EHMT1: variants seen among roughly 807,000 people sequenced by gnomAD.
The protein encoded by EHMT1 is euchromatic histone lysine methyltransferase 1, also known as histone-lysine N-methyltransferase EHMT1.
In EHMT1, 15 loss-of-function variants were observed where a neutral mutation model predicts 147.2. That is an observed-to-expected ratio of 0.10 (90% CI 0.07 to 0.16). The LOEUF (loss-of-function observed/expected upper bound fraction) is 0.16. EHMT1 is among the 10% of genes least tolerant of loss of function. The pLI is 1.00. For missense variants in EHMT1, 1,587 were observed against 1,772.4 expected, an observed-to-expected ratio of 0.90 and a Z score of 1.88; for synonymous variants, 795 against 709.6, an observed-to-expected ratio of 1.12 and a Z score of -1.91.
In EHMT1 at chr9:137,738,216, AAAC is replaced by A. The variant is rs772859830; in HGVS notation, c.824-5149_824-5147del. ...CTCAAAAAAAACAACAACAAAAAAA[AAAC>A]AACAAAAAAAACCCAAAAAAGGCAA... On this transcript the variant is annotated intron_variant, in intron 4 of 26. Transcript: ENST00000460843. Among the ~76,000 whole-genome samples, 27 of 150,846 alleles carry A rather than the reference AAAC, an allele frequency of 1.8e-4. No homozygotes were observed. In the East Asian group the frequency reaches 4.1e-3, roughly 23 times the overall value.
intron 9 of EHMT1, 31 bp downstream of exon 9, chr9:137,758,042 A>G (rs201485739): frequency 1.9e-6 from 3 of 1,613,690 alleles, no homozygotes; most frequent in African/African-American, 2.7e-5. Context: ...TAGACCGGGC[A>G]CCATCTTGGT....
intron 1 of EHMT1, among the ~76,000 whole-genome samples, chr9:137,665,744 A>G (rs1252604564): frequency 6.6e-6 from 1 of 152,250 alleles, no homozygotes; most frequent in East Asian, 1.9e-4. Flanking sequence ...GGTGAAAACA[A>G]TAAATGTCTC....
At chr9:137,803,374 C>A in intron 18 of EHMT1, 1 of 884,368 alleles carries the variant, frequency 1.1e-6, no homozygotes, top group Non-Finnish European at 1.4e-6. Context: ...CGCTTCACAG[C>A]CATGCCCAGC....
At chr9:137,727,353 G>A (rs1049790333) in intron 3 of EHMT1, among the ~76,000 whole-genome samples, 14 of 152,086 alleles carry the variant, frequency 9.2e-5, no homozygotes, top group African/African-American at 2.7e-4. Context: ...TTGGTTTCAC[G>A]TCTAGAAAAT....
intron 17 of EHMT1, among the ~76,000 whole-genome samples, chr9:137,799,343 C>T (rs1277799136): frequency 6.6e-6 from 1 of 152,172 alleles, no homozygotes; most frequent in African/African-American, 2.4e-5. Context: ...TAGGTATTAC[C>T]ATTTGAGGGA....
At position 137,705,287 on chromosome 9, in the gene EHMT1, C is replaced by T. The variant is rs147559409; in HGVS notation, c.22-5680C>T. ...GGATCACAGGCATGAGCCACTACACCGGCCTGGGAATTCCTTTAACTTGCG... is the reference window on the plus strand; with the variant it reads ...GGATCACAGGCATGAGCCACTACACTGGCCTGGGAATTCCTTTAACTTGCG... On this transcript the variant is annotated intron_variant, in intron 1 of 26. Transcript: ENST00000460843. Among the ~76,000 whole-genome samples, 188 of 152,268 alleles carry T rather than the reference C, an allele frequency of 1.2e-3. No homozygotes were observed. In the Middle Eastern group the frequency reaches 0.051, roughly 41 times the overall value.
intron 1 of EHMT1, among the ~76,000 whole-genome samples, chr9:137,691,505 C>A (rs1942933117): frequency 6.6e-6 from 1 of 152,010 alleles, no homozygotes; most frequent in Non-Finnish European, 1.5e-5. Context: ...GAATGGACTA[C>A]ATTTTGTTTG....
chr9:137,828,186 T>C lies in EHMT1; in HGVS notation c.3541-6163T>C, dbSNP rs1588917759. On this transcript the variant is annotated intron_variant, in intron 25 of 26. Transcript: ENST00000460843. This position sits in a 1 kb window ranked among gnomAD's most constrained non-coding sequence, Gnocchi z 5.3. ...TGACCATCCACAGGCCCCAGGGGGG[T>C]GCTGGCGGGCATCAGGGAAGTCCCG... Among the ~76,000 whole-genome samples the C allele has an allele frequency of 6.6e-6, 1 of 151,234 alleles. No homozygotes were observed. Among genetic ancestry groups the C allele is most frequent in the Admixed American group, 6.6e-5 (1 of 15,204 alleles).
intron 1 of EHMT1, among the ~76,000 whole-genome samples, chr9:137,677,265 C>G (rs901506380): frequency 6.6e-6 from 1 of 152,062 alleles, no homozygotes; most frequent in African/African-American, 2.4e-5. Flanking sequence ...TCCCAAGTAG[C>G]TGGGATTACA....
chr9:137,790,046 C>G (rs116779323), intron 15 of EHMT1, among the ~76,000 whole-genome samples: 2 of 152,198 alleles, frequency 1.3e-5, no homozygotes, highest in Non-Finnish European at 2.9e-5. Flanking sequence ...CCCCCTTAGC[C>G]GTTATGAGTT....
intron 1 of EHMT1, among the ~76,000 whole-genome samples, chr9:137,662,128 C>T (rs1465874502): frequency 1.3e-5 from 2 of 152,130 alleles, no homozygotes; most frequent in Admixed American, 1.3e-4. Flanking sequence ...GGGTGAGTTA[C>T]CCAACAATAT....
Position 137,815,897 on chromosome 9 carries a change from T to A in EHMT1, c.3259-50T>A, listed in dbSNP as rs747253260. ...TAGAAATGGGTTGATGTCAGTTCAA[T>A]TAAAGAGTGAGTAACCTCTGCTGGG... On this transcript the variant is annotated intron_variant, in intron 22 of 26. Coordinates refer to ENST00000460843, the MANE Select transcript of EHMT1 (RefSeq NM_024757.5). 3.4e-6 allele frequency: 5 copies of A among 1,462,166 alleles called. No individual in the cohort carries two copies. In the Admixed American group the frequency reaches 9.7e-5, roughly 28 times the overall value. The allele number at this position is 1,462,166 out of a possible 1,614,324, so 90.6% of individuals were successfully genotyped here.
At chr9:137,764,039 A>G in intron 10 of EHMT1, 1 of 152,684 alleles carries the variant, frequency 6.5e-6, no homozygotes, top group Non-Finnish European at 1.5e-5. Flanking sequence ...TTGCTTTTCT[A>G]AAGTGTTCCC....
At chr9:137,736,007 G>C (rs1173500567) in intron 4 of EHMT1, among the ~76,000 whole-genome samples, 1 of 152,036 alleles carries the variant, frequency 6.6e-6, no homozygotes, top group Non-Finnish European at 1.5e-5. Flanking sequence ...GACAAAGGCA[G>C]ATGCATCAAG....
chr9:137,781,907 G>C (rs1951586164), intron 14 of EHMT1, among the ~76,000 whole-genome samples: 1 of 152,230 alleles, frequency 6.6e-6, no homozygotes, highest in African/African-American at 2.4e-5. Flanking sequence ...ATTGACCGAT[G>C]CTCAGGCCTC....
Position 137,717,130 on chromosome 9 carries a change from A to G in EHMT1, c.590A>G (p.Asp197Gly). 1 of 1,612,538 alleles carries G rather than the reference A, an allele frequency of 6.2e-7. No individual in the cohort carries two copies. Reference protein sequence around the residue: ...EDRKLPAPGADVKVHRARKTM... With the variant: ...EDRKLPAPGAGVKVHRARKTM... ...AGGAAGCTCCCGGCCCCTGGCGCCGACGTCAAGGTCCACAGGGCACGCAAG... is the reference window on the plus strand; with the variant it reads ...AGGAAGCTCCCGGCCCCTGGCGCCGGCGTCAAGGTCCACAGGGCACGCAAG... The change falls in exon 3 of 27, where the codon GAC becomes GGC. Residue 197 changes from aspartate to glycine, a missense_variant. Transcript: ENST00000460843.
rs1954506271 is a variant in EHMT1, at chr9:137,811,765, C to T, written c.2867+150C>T. On this transcript the variant is annotated intron_variant, in intron 19 of 26. Coordinates refer to ENST00000460843, the MANE Select transcript of EHMT1 (RefSeq NM_024757.5). ...GTGGAAGTCCATCCTTGGTGTTCCACACGCAGAGAAGTGTCTTTCCCAGTC... is the reference window on the plus strand; with the variant it reads ...GTGGAAGTCCATCCTTGGTGTTCCATACGCAGAGAAGTGTCTTTCCCAGTC... The T allele has an allele frequency of 8.7e-5, 94 of 1,081,412 alleles. 1 individual carries two copies. The South Asian group carries it at 1.2e-3, about 14-fold the overall frequency. 67.0% of individuals were successfully genotyped at this position (1,081,412 alleles called of 1,614,324 possible). A position where few individuals can be genotyped will look rare whatever the true frequency, so the allele number is the denominator to read the frequency against.
intron 25 of EHMT1, among the ~76,000 whole-genome samples, chr9:137,820,571 A>G (rs1376795798): frequency 6.6e-6 from 1 of 152,096 alleles, no homozygotes; most frequent in Non-Finnish European, 1.5e-5. Context: ...TTTTTTTGAA[A>G]ACTTGAATAT....
At chr9:137,824,871 T>C (rs963893808) in intron 25 of EHMT1, among the ~76,000 whole-genome samples, 1 of 152,224 alleles carries the variant, frequency 6.6e-6, no homozygotes, top group Non-Finnish European at 1.5e-5. Context: ...TTTTGGACTA[T>C]TAGGCTTGTC....
Sources: allele counts gnomAD v4.1 joint callset (sites outside exome capture counted in the v4.1 genomes callset), GRCh38; gene constraint gnomAD v4.1.1; non-coding constraint Gnocchi (gnomAD v3.1); transcripts MANE v1.5; gene names NCBI Gene and HGNC (gene_info 2026-07-23, HGNC 2026-07-21).